The following DPP6 variants were observed in gnomAD, a reference collection of about 807,000 sequenced individuals.
DPP6 encodes the protein dipeptidyl peptidase like 6.
DPP6 carries 69 observed loss-of-function variants against 122.6 expected under a neutral mutation model. The ratio of observed to expected loss-of-function variants is 0.56; its 90% CI spans 0.46 to 0.69. The LOEUF is 0.69. Among genes scored for constraint, DPP6 ranks in the 30% least tolerant of loss-of-function variants. DPP6 has a pLI of 0.00. For missense variants in DPP6, 928 were observed against 1,116.9 expected (o/e 0.83, Z 2.41); for synonymous variants, 418 against 433.1 (o/e 0.97, Z 0.43).
chr7:154,314,869 T>C (rs1023259956), intron 1 of DPP6, among the ~76,000 whole-genome samples: 4 of 152,154 alleles, frequency 2.6e-5, no homozygotes, highest in Non-Finnish European at 5.9e-5. Context: ...AATTAGATAA[T>C]ATGAATGGGT....
At chr7:154,313,453 G>A (rs771617055) in intron 1 of DPP6, among the ~76,000 whole-genome samples, 37 of 151,944 alleles carry the variant, frequency 2.4e-4, no homozygotes, top group Non-Finnish European at 4.6e-4. Context: ...AAGTCTGAAC[G>A]TGGCACGAGA....
Position 154,303,776 on chromosome 7 carries a change from A to C in DPP6, c.244-142438A>C, listed in dbSNP as rs115900769. On this transcript the variant is annotated intron_variant, in intron 1 of 25. Coordinates refer to ENST00000377770, the MANE Select transcript of DPP6 (RefSeq NM_130797.4). ...CTACCCAGACTTCTTAGAGTCTGCC[A>C]AATACGTACTCAGACCAGAATTAAG... is the stretch of plus-strand genomic sequence containing the variant. 8.4e-3 allele frequency among the ~76,000 whole-genome samples: 1,274 copies of C among 152,300 alleles called. 26 individuals are homozygous for C. The highest frequency in any genetic ancestry group is 0.029 in the African/African-American group (1,202 of 41,554).
At chr7:154,456,739 A>AGGGAGATTTGACACAGACGAAGGAG (rs1293659060) in intron 2 of DPP6, among the ~76,000 whole-genome samples, 4 of 26,586 alleles carry the variant, frequency 1.5e-4, no homozygotes, top group African/African-American at 2.2e-4. Flanking sequence ...GAAGGAAATA[A>AGGGAGATTTGACACAGACGAAGGAG]GAATGCTTGT....
chr7:153,966,856 C>G (rs932855565), intron 1 of DPP6, among the ~76,000 whole-genome samples: 1 of 151,098 alleles, frequency 6.6e-6, no homozygotes, highest in Admixed American at 6.6e-5. Context: ...CACTTGAGCT[C>G]GCAAATTCAA....
At chr7:154,194,194 G>A (rs1798749890) in intron 1 of DPP6, among the ~76,000 whole-genome samples, 1 of 152,072 alleles carries the variant, frequency 6.6e-6, no homozygotes, top group Non-Finnish European at 1.5e-5. Flanking sequence ...GCTTGAAAAA[G>A]CAACACACTT....
chr7:154,185,521 C>A lies in DPP6; in HGVS notation c.243+132458C>A, dbSNP rs991115273. On this transcript the variant is annotated intron_variant, in intron 1 of 25. Transcript: ENST00000377770. ...TCAGTGATCCCTCACACTTGTAATG[C>A]AGGGCTGGAATAACGTGATGGGTAG... Among the ~76,000 whole-genome samples, 31 of 152,248 alleles carry A rather than the reference C, an allele frequency of 2.0e-4. 2 individuals carry two copies. In the Middle Eastern group the frequency reaches 0.01, roughly 50 times the overall value.
chr7:154,771,749 G>A (rs1413162962), intron 9 of DPP6, among the ~76,000 whole-genome samples: 1 of 152,224 alleles, frequency 6.6e-6, no homozygotes, highest in Non-Finnish European at 1.5e-5. Context: ...ACATGGCATG[G>A]ATTTGCCTTC....
Position 154,483,010 on chromosome 7 carries a change from GA to G in DPP6, c.457+7974del, listed in dbSNP as rs1335710817. On this transcript the variant is annotated intron_variant, in intron 3 of 25. Coordinates refer to ENST00000377770, the MANE Select transcript of DPP6 (RefSeq NM_130797.4). The surrounding 1 kb of genome is among the most constrained non-coding windows in gnomAD (Gnocchi z 8.1). The stretch of plus-strand genomic sequence containing the variant: ...TGTTCGTTAGGTATTGAGAACTGGG[GA>G]TGAAGCCAGGTGAGAGGTTGGAGCC... Among the ~76,000 whole-genome samples, 17 of 152,252 alleles carry G rather than the reference GA, an allele frequency of 1.1e-4. No individual in the cohort carries two copies. Among genetic ancestry groups the G allele is most frequent in the African/African-American group, 3.9e-4 (16 of 41,542 alleles).
At chr7:153,804,961 A>T in the DPP6 span, among the ~76,000 whole-genome samples, 2 of 152,102 alleles carry the variant, frequency 1.3e-5, no homozygotes, top group Non-Finnish European at 2.9e-5. Context: ...TTGTACTGGG[A>T]AAAAAATGAT....
intron 8 of DPP6, among the ~76,000 whole-genome samples, chr7:154,761,232 C>T (rs749222619): frequency 3.4e-4 from 52 of 152,360 alleles, no homozygotes; most frequent in Non-Finnish European, 2.8e-4. Context: ...TCCTCCTCTG[C>T]TCTGCACCAA....
chr7:154,198,593 C>T (rs543272403), intron 1 of DPP6, among the ~76,000 whole-genome samples: 125 of 152,250 alleles, frequency 8.2e-4, no homozygotes, highest in Middle Eastern at 3.4e-3. Context: ...GGATTACAGG[C>T]GTGAGCCACT....
intron 1 of DPP6, among the ~76,000 whole-genome samples, chr7:154,325,170 A>G (rs2151025669): frequency 6.6e-6 from 1 of 152,224 alleles, no homozygotes; most frequent in East Asian, 1.9e-4. Flanking sequence ...CCTGGCCTAC[A>G]GTCTCCATTT....
chr7:153,927,153 A>G (rs1455441002), intron 1 of DPP6, among the ~76,000 whole-genome samples: 1 of 152,124 alleles, frequency 6.6e-6, no homozygotes, highest in African/African-American at 2.4e-5. Flanking sequence ...TCTCTAAAAA[A>G]TATTGACAAG....
intron 10 of DPP6, among the ~76,000 whole-genome samples, chr7:154,789,412 A>G (rs62473876): frequency 0.18 from 27,411 of 151,954 alleles, 2,590 homozygotes; most frequent in Admixed American, 0.23. Context: ...GAAGAGAAAA[A>G]CCTTTTCCTT....
At chr7:154,234,705 T>C (rs1801103835) in intron 1 of DPP6, among the ~76,000 whole-genome samples, 2 of 151,994 alleles carry the variant, frequency 1.3e-5, no homozygotes, top group South Asian at 4.1e-4. Context: ...TGAAGATGAG[T>C]TTTCTCATTT....
At chr7:154,703,570 G>A (rs1840642870) in intron 7 of DPP6, among the ~76,000 whole-genome samples, 1 of 145,510 alleles carries the variant, frequency 6.9e-6, no homozygotes, top group Non-Finnish European at 1.5e-5. Flanking sequence ...ATTGAGCCAA[G>A]ATCATGCCAT....
chr7:154,355,763 A>G (rs781065022), intron 1 of DPP6, among the ~76,000 whole-genome samples: 8 of 152,144 alleles, frequency 5.3e-5, no homozygotes, highest in Non-Finnish European at 1.0e-4. Context: ...TATCTTGTTA[A>G]CTGGTAGTTT....
chr7:154,421,856 C>T (rs1817499439), intron 1 of DPP6, among the ~76,000 whole-genome samples: 1 of 151,926 alleles, frequency 6.6e-6, no homozygotes, highest in Admixed American at 6.5e-5. Flanking sequence ...ACAGTGGCCC[C>T]AGTGCCCAGC....
chr7:154,646,162 A>G (rs1450619567), intron 6 of DPP6, among the ~76,000 whole-genome samples: 4 of 151,738 alleles, frequency 2.6e-5, no homozygotes, highest in Admixed American at 2.6e-4. Flanking sequence ...TAAATCTCAT[A>G]CTCACTGTTA....
Sources: gnomAD v4.1 joint callset for allele counts (sites outside exome capture counted in the v4.1 genomes callset) on GRCh38, gnomAD v4.1.1 for gene constraint, Gnocchi (gnomAD v3.1) non-coding constraint, MANE v1.5 for transcripts, NCBI Gene and HGNC (gene_info 2026-07-23, HGNC 2026-07-21) for gene names.